The following CAMKMT variants were observed in gnomAD, a reference collection of about 807,000 sequenced individuals.
CAMKMT encodes CaM KMT.
CAMKMT carries 53 observed loss-of-function variants against 48.0 expected under a neutral mutation model. That is an observed-to-expected ratio of 1.10 (90% CI 0.89 to 1.39). The LOEUF (loss-of-function observed/expected upper bound fraction) is 1.39, where lower values mean the gene tolerates loss of function less well. Among genes scored for constraint, CAMKMT ranks in the 40% most tolerant of loss-of-function variants. CAMKMT has a pLI of 0.00. For missense variants in CAMKMT, 428 were observed against 402.7 expected (o/e 1.06, Z -0.54); for synonymous variants, 165 against 152.3 (o/e 1.08, Z -0.61).
At chr2:44,636,907 T>G (rs1673167421) in intron 3 of CAMKMT, among the ~76,000 whole-genome samples, 1 of 152,230 alleles carries the variant, frequency 6.6e-6, no homozygotes, top group African/African-American at 2.4e-5. Flanking sequence ...TGCCCCACTT[T>G]ACCTCACCTC....
intron 3 of CAMKMT, among the ~76,000 whole-genome samples, chr2:44,532,332 G>A (rs1345207227): frequency 1.3e-5 from 2 of 152,142 alleles, no homozygotes; most frequent in Non-Finnish European, 2.9e-5. Context: ...GAATTCAAAA[G>A]GGAATAAATC....
rs1436482694 is a variant in CAMKMT at position 44,641,141 on chromosome 2, A to G, written c.377-63142A>G. The stretch of plus-strand genomic sequence containing the variant: ...CTAAGCCTAAAGAATCTTTCAAGTA[A>G]TGGTATAGATATATAAATATCTTCT... On this transcript the variant is annotated intron_variant, in intron 3 of 10. Coordinates refer to ENST00000378494, the MANE Select transcript of CAMKMT (RefSeq NM_024766.5). Among the ~76,000 whole-genome samples the G allele has an allele frequency of 2.6e-5, 4 of 152,270 alleles. No individual in the cohort carries two copies. The East Asian group carries it at 7.7e-4, about 29-fold the overall frequency.
At chr2:44,455,861 A>C (rs1667535105) in intron 3 of CAMKMT, among the ~76,000 whole-genome samples, 1 of 152,200 alleles carries the variant, frequency 6.6e-6, no homozygotes, top group Non-Finnish European at 1.5e-5. Context: ...TGTGTGTCAA[A>C]AACGTTGGTC....
intron 3 of CAMKMT, among the ~76,000 whole-genome samples, chr2:44,605,204 G>T (rs4953112): frequency 6.6e-6 from 1 of 151,982 alleles, no homozygotes; most frequent in Admixed American, 6.6e-5. Flanking sequence ...TTCACTTAAG[G>T]GGAAATCAAG....
intron 3 of CAMKMT, among the ~76,000 whole-genome samples, chr2:44,566,358 G>A (rs902556489): frequency 2.6e-5 from 4 of 152,190 alleles, no homozygotes; most frequent in African/African-American, 9.6e-5. Context: ...CCAGAATTCT[G>A]CAGAAATCCA....
At chr2:44,403,712 A>G (rs1354518137) in intron 3 of CAMKMT, among the ~76,000 whole-genome samples, 2 of 152,220 alleles carry the variant, frequency 1.3e-5, no homozygotes, top group Non-Finnish European at 2.9e-5. Context: ...ATACACACAT[A>G]TATGCACTCA....
intron 3 of CAMKMT, among the ~76,000 whole-genome samples, chr2:44,450,235 A>G (rs992001619): frequency 2.0e-5 from 3 of 152,148 alleles, no homozygotes; most frequent in Admixed American, 1.3e-4. Flanking sequence ...TCTCACTGAT[A>G]GCTGATCTTA....
At chr2:44,621,140 C>T (rs1672164546) in intron 3 of CAMKMT, among the ~76,000 whole-genome samples, 2 of 151,682 alleles carry the variant, frequency 1.3e-5, no homozygotes, top group Admixed American at 6.6e-5. Flanking sequence ...TGGTGATGGG[C>T]GCTTGTAGTC....
intron 2 of CAMKMT, among the ~76,000 whole-genome samples, chr2:44,374,476 TATC>T (rs1679483072): frequency 6.6e-6 from 1 of 152,216 alleles, no homozygotes; most frequent in Admixed American, 6.5e-5. Flanking sequence ...TTCTAAAACT[TATC>T]TTCTGCATCC....
intron 6 of CAMKMT, among the ~76,000 whole-genome samples, chr2:44,708,236 T>TGTTTTTTA (rs1677675788): frequency 6.8e-6 from 1 of 146,296 alleles, no homozygotes; most frequent in Non-Finnish European, 1.5e-5. Context: ...TTTTTTTTTT[T>TGTTTTTTA]GGTGTGCCTT....
chr2:44,648,828 C>T (rs187597629), intron 3 of CAMKMT, among the ~76,000 whole-genome samples: 1 of 152,238 alleles, frequency 6.6e-6, no homozygotes, highest in East Asian at 1.9e-4. Flanking sequence ...CCTAGACTAC[C>T]CCAAATAAAT....
chr2:44,670,837 T>C (rs1485477146), intron 3 of CAMKMT, among the ~76,000 whole-genome samples: 1 of 152,128 alleles, frequency 6.6e-6, no homozygotes, highest in Non-Finnish European at 1.5e-5. Flanking sequence ...CTCAGCCAGG[T>C]CTGTCTTCTG....
At chr2:44,608,408 T>A (rs1477576163) in intron 3 of CAMKMT, among the ~76,000 whole-genome samples, 3 of 152,096 alleles carry the variant, frequency 2.0e-5, no homozygotes, top group Non-Finnish European at 4.4e-5. Context: ...TTTATTTTTT[T>A]AAAATTGACA....
intron 3 of CAMKMT, among the ~76,000 whole-genome samples, chr2:44,464,959 A>G (rs1438053186): frequency 6.6e-6 from 1 of 152,232 alleles, no homozygotes; most frequent in Non-Finnish European, 1.5e-5. Flanking sequence ...TATGAAGTGC[A>G]TAAATCACTT....
chr2:44,602,076 G>C (rs1671025924), intron 3 of CAMKMT, among the ~76,000 whole-genome samples: 1 of 151,998 alleles, frequency 6.6e-6, no homozygotes, highest in South Asian at 2.1e-4. Flanking sequence ...TGCCATCTCA[G>C]TTCACTGCAA....
At chr2:44,412,826 A>G (rs532477080) in intron 3 of CAMKMT, among the ~76,000 whole-genome samples, 2 of 152,206 alleles carry the variant, frequency 1.3e-5, no homozygotes, top group South Asian at 4.1e-4. Context: ...CTGTAATCCC[A>G]GCACTTTGGG....
intron 3 of CAMKMT, among the ~76,000 whole-genome samples, chr2:44,632,852 C>T (rs1672914109): frequency 6.6e-6 from 1 of 152,158 alleles, no homozygotes; most frequent in Non-Finnish European, 1.5e-5. Context: ...ATGCTTCCTG[C>T]CCTCGAACAT....
chr2:44,667,360 G>GC (rs988638514), intron 3 of CAMKMT, among the ~76,000 whole-genome samples: 2 of 152,130 alleles, frequency 1.3e-5, no homozygotes, highest in Admixed American at 6.5e-5. Flanking sequence ...TTCCCTTGCT[G>GC]CCCTCTCAGC....
chr2:44,737,991 GA>G (rs1287329374), intron 7 of CAMKMT, among the ~76,000 whole-genome samples: 5 of 152,002 alleles, frequency 3.3e-5, no homozygotes, highest in Non-Finnish European at 7.4e-5. Context: ...AAGTAGCTGG[GA>G]TTACAGGTGC....
Sources: gnomAD v4.1 joint callset for allele counts (sites outside exome capture counted in the v4.1 genomes callset) on GRCh38, gnomAD v4.1.1 for gene constraint, MANE v1.5 for transcripts, NCBI Gene and HGNC (gene_info 2026-07-23, HGNC 2026-07-21) for gene names.